The following VPS13B variants were observed in gnomAD, a reference collection of about 807,000 sequenced individuals.
VPS13B encodes the protein vacuolar protein sorting 13 homolog B, also known as intermembrane lipid transfer protein VPS13B.
VPS13B carries 285 observed loss-of-function variants against 426.4 expected under a neutral mutation model. The ratio of observed to expected loss-of-function variants is 0.67; its 90% CI spans 0.61 to 0.74. The LOEUF (loss-of-function observed/expected upper bound fraction) is 0.74. Among genes scored for constraint, VPS13B ranks in the 30% least tolerant of loss-of-function variants. The pLI is 0.00. For synonymous variants in VPS13B, 1,676 were observed against 1,676.4 expected, an observed-to-expected ratio of 1.00 and a Z score of 0.01; for missense variants, 4,537 against 4,782.6, an observed-to-expected ratio of 0.95 and a Z score of 1.51.
At chr8:99,038,704 T>C (rs1052639790) in intron 3 of VPS13B, 138 bp downstream of exon 3, 1 of 614,202 alleles carries the variant, frequency 1.6e-6, no homozygotes, top group Non-Finnish European at 2.5e-6. Flanking sequence ...TTTTTTTTTT[T>C]TGAGATAGAG....
chr8:99,360,188 TTCTCTCTCTCTCTCTCTCTC>T (rs778981940), intron 19 of VPS13B, among the ~76,000 whole-genome samples: 3 of 28,026 alleles, frequency 1.1e-4, no homozygotes, highest in South Asian at 1.7e-3. Context: ...CTTTCTTTCT[TTCTCTCTCTCTCTCTCTCTC>T]TCTTTCTTTC....
intron 8 of VPS13B, among the ~76,000 whole-genome samples, chr8:99,127,540 C>T (rs1177693501): frequency 6.6e-6 from 1 of 152,172 alleles, no homozygotes; most frequent in Admixed American, 6.5e-5. Flanking sequence ...CACATCTAAT[C>T]AGTCAGCATG....
rs564959109 is a variant in VPS13B, at chr8:99,848,921, A to G, written c.10061+27A>G. On this transcript the variant is annotated intron_variant, in intron 55 of 61. Transcript: ENST00000357162. The stretch of plus-strand genomic sequence containing the variant: ...TAGGTTTAATTATTTTCCCAGTGAC[A>G]ACATAGTAAGTGTTACTGTTACAAA... The G allele has an allele frequency of 5.3e-5, 85 of 1,589,398 alleles. No individual in the cohort carries two copies. The East Asian group carries it at 1.3e-3, about 25-fold the overall frequency.
chr8:99,174,297 ATC>A (rs1373593515), intron 16 of VPS13B, among the ~76,000 whole-genome samples: 3 of 152,188 alleles, frequency 2.0e-5, no homozygotes, highest in African/African-American at 7.2e-5. Context: ...ATGTACAAAT[ATC>A]TGTTTGAGTC....
At chr8:99,507,680 A>G in intron 28 of VPS13B, 2 of 1,577,278 alleles carry the variant, frequency 1.3e-6, no homozygotes, top group Non-Finnish European at 1.7e-6. Flanking sequence ...AAACTTGAGG[A>G]GAATTTAAAA....
At chr8:99,858,797 T>G (rs572738508) in intron 56 of VPS13B, among the ~76,000 whole-genome samples, 3 of 152,296 alleles carry the variant, frequency 2.0e-5, no homozygotes, top group Admixed American at 2.0e-4. Context: ...CTCAACTCAG[T>G]AGGATTGGGA....
At chr8:99,119,319 C>G (rs1404597681) in intron 7 of VPS13B, 1 of 152,362 alleles carries the variant, frequency 6.6e-6, no homozygotes, top group Non-Finnish European at 1.5e-5. Flanking sequence ...TAGCTCACTG[C>G]AGCCTTGAAC....
At chr8:99,836,456 T>C (rs1479955256) in intron 54 of VPS13B, among the ~76,000 whole-genome samples, 6 of 145,884 alleles carry the variant, frequency 4.1e-5, no homozygotes, top group Non-Finnish European at 7.5e-5. Flanking sequence ...GCTCTCTTCT[T>C]CTTTGTCTCT....
At chr8:99,839,657 T>C (rs551093612) in intron 54 of VPS13B, among the ~76,000 whole-genome samples, 19 of 152,358 alleles carry the variant, frequency 1.2e-4, no homozygotes, top group African/African-American at 4.3e-4. Context: ...CAAGCCACTG[T>C]CTGTCCTCTG....
At chr8:99,383,366 T>A (rs1055157200) in intron 19 of VPS13B, among the ~76,000 whole-genome samples, 4 of 152,146 alleles carry the variant, frequency 2.6e-5, no homozygotes. Context: ...GAAAAAGTTA[T>A]TTAGGAATAT....
intron 8 of VPS13B, among the ~76,000 whole-genome samples, chr8:99,124,589 A>G (rs1048488586): frequency 3.3e-5 from 5 of 152,088 alleles, no homozygotes; most frequent in Non-Finnish European, 2.9e-5. Flanking sequence ...ATTCAGCCAT[A>G]AAAAAATGAA....
intron 39 of VPS13B, among the ~76,000 whole-genome samples, chr8:99,735,845 G>C (rs1833803871): frequency 6.6e-6 from 1 of 152,140 alleles, no homozygotes; most frequent in Non-Finnish European, 1.5e-5. Context: ...TTATGGACTG[G>C]GGGGTGGAAA....
At chr8:99,659,696 A>C (rs763148064) in intron 34 of VPS13B, among the ~76,000 whole-genome samples, 1 of 152,170 alleles carries the variant, frequency 6.6e-6, no homozygotes, top group Non-Finnish European at 1.5e-5. Flanking sequence ...CTTACTTGTC[A>C]GTTTTTTATA....
At chr8:99,180,456 C>T (rs1304503079) in intron 16 of VPS13B, among the ~76,000 whole-genome samples, 1 of 152,034 alleles carries the variant, frequency 6.6e-6, no homozygotes, top group East Asian at 1.9e-4. Flanking sequence ...GAGGTAGAGC[C>T]AACACTGCAT....
intron 3 of VPS13B, among the ~76,000 whole-genome samples, chr8:99,065,899 A>G (rs539285072): frequency 5.3e-5 from 8 of 152,366 alleles, no homozygotes; most frequent in African/African-American, 1.9e-4. Flanking sequence ...ACTCCCATTC[A>G]CAATTGCTTC....
chr8:99,372,244 C>A (rs996348244), intron 19 of VPS13B, among the ~76,000 whole-genome samples: 1 of 139,218 alleles, frequency 7.2e-6, no homozygotes, highest in Admixed American at 7.4e-5. Flanking sequence ...AGCGAGACTC[C>A]GTCTCAAAAA....
chr8:99,687,762 A>C (rs1168013430), intron 35 of VPS13B, among the ~76,000 whole-genome samples: 2 of 151,846 alleles, frequency 1.3e-5, no homozygotes, highest in African/African-American at 4.8e-5. Flanking sequence ...CGTCTTCAGT[A>C]CCTCTTTCAG....
chr8:99,060,384 G>A (rs1224317488), intron 3 of VPS13B, among the ~76,000 whole-genome samples: 2 of 152,222 alleles, frequency 1.3e-5, no homozygotes, highest in Admixed American at 6.5e-5. Flanking sequence ...TGAGGCAGGT[G>A]GATCACTTGA....
At position 99,699,630 on chromosome 8, in the gene VPS13B, T is replaced by A. The variant is rs1441095133; in HGVS notation, c.6152T>A (p.Leu2051Ter). 1 of 1,614,178 alleles carries A rather than the reference T, an allele frequency of 6.2e-7. No homozygotes were observed. The change falls in exon 36 of 62, where the codon TTG becomes TAG. Residue 2051 changes from leucine to a stop codon, truncating the protein, a stop_gained. Coordinates refer to ENST00000357162, the MANE Select transcript of VPS13B (RefSeq NM_152564.5). LOFTEE classifies it high-confidence loss of function. Reference sequence around the variant, plus strand: ...AAGAAGATAAAAAATGCACACAGTTTGGCACATAGTGAAGAGACTTCAGCC... The same window carrying A: ...AAGAAGATAAAAAATGCACACAGTTAGGCACATAGTGAAGAGACTTCAGCC... ...FLKKIKNAHS[L>*]AHSEETSAMS... is the part of the protein sequence containing the mutation.
Sources: allele counts gnomAD v4.1 joint callset (sites outside exome capture counted in the v4.1 genomes callset), GRCh38; gene constraint gnomAD v4.1.1; transcripts MANE v1.5; gene names NCBI Gene and HGNC (gene_info 2026-07-23, HGNC 2026-07-21).